GFM2: variants seen among roughly 807,000 people sequenced by gnomAD.
GFM2 encodes GTP dependent ribosome recycling factor mitochondrial 2, also known as ribosome-releasing factor 2, mitochondrial.
GFM2 carries 72 observed loss-of-function variants against 95.4 expected under a neutral mutation model. The ratio of observed to expected loss-of-function variants is 0.76; its 90% CI spans 0.62 to 0.92. The LOEUF (loss-of-function observed/expected upper bound fraction) is 0.92. Ranked by LOEUF, GFM2 falls within the 40% of genes least tolerant of loss-of-function variation. GFM2 has a pLI of 0.00. For synonymous variants in GFM2, 276 were observed against 317.5 expected (o/e 0.87, Z 1.39); for missense variants, 825 against 924.1 (o/e 0.89, Z 1.39).
chr5:74,723,903 C>T (rs1387974243), intron 19 of GFM2, among the ~76,000 whole-genome samples: 2 of 152,090 alleles, frequency 1.3e-5, no homozygotes, highest in Non-Finnish European at 2.9e-5. Flanking sequence ...TATTTAATTC[C>T]CTTATGAAAT....
At chr5:74,733,670 GA>G (rs1205787079) in intron 15 of GFM2, among the ~76,000 whole-genome samples, 1 of 152,176 alleles carries the variant, frequency 6.6e-6, no homozygotes, top group Non-Finnish European at 1.5e-5. Context: ...AGGCCATGAT[GA>G]AAAGTTTGGG....
chr5:74,749,575 T>C (rs1743587677), intron 7 of GFM2, among the ~76,000 whole-genome samples: 1 of 152,208 alleles, frequency 6.6e-6, no homozygotes, highest in Non-Finnish European at 1.5e-5. Flanking sequence ...GATTTATGGT[T>C]CTTCATATAG....
intron 7 of GFM2, among the ~76,000 whole-genome samples, chr5:74,748,938 A>C (rs1352227687): frequency 1.4e-5 from 2 of 147,474 alleles, no homozygotes; most frequent in Non-Finnish European, 3.0e-5. Flanking sequence ...AAAAAAAATA[A>C]AAAATAAAAT....
chr5:74,758,817 G>T (rs761421561), intron 5 of GFM2, 32 bp downstream of exon 5: 8 of 1,307,540 alleles, frequency 6.1e-6, no homozygotes, highest in Admixed American at 1.7e-5. Context: ...TTTGCTAATG[G>T]GGGGGTGGGA....
chr5:74,721,520 T>TTA lies in GFM2; in HGVS notation c.*133_*134dup, dbSNP rs1749877318. On this transcript the variant is annotated 3_prime_UTR_variant, in exon 21 of 21. Transcript: ENST00000296805. ...TCCAGTGCCACTATCAAAGCTTAAG[T>TTA]TATATCTTTTATCTAGTTCTCTGAA... The TTA allele has an allele frequency of 2.0e-6, 2 of 1,004,196 alleles. No homozygotes were observed. The allele number at this position is 1,004,196 out of a possible 1,614,324, so 62.2% of individuals were successfully genotyped here.
chr5:74,745,440 G>T (rs536001737), intron 10 of GFM2, among the ~76,000 whole-genome samples: 8 of 152,276 alleles, frequency 5.3e-5, no homozygotes, highest in Non-Finnish European at 8.8e-5. Context: ...ATGGCACATA[G>T]CATTTACATT....
chr5:74,742,635 C>T (rs1391297107), intron 10 of GFM2, among the ~76,000 whole-genome samples: 2 of 151,894 alleles, frequency 1.3e-5, no homozygotes, highest in African/African-American at 4.8e-5. Flanking sequence ...TTTAAATTAT[C>T]GCAAAATATA....
chr5:74,745,238 AG>A (rs1579997677), intron 10 of GFM2, among the ~76,000 whole-genome samples: 1 of 152,126 alleles, frequency 6.6e-6, no homozygotes, highest in East Asian at 1.9e-4. Context: ...CCAGCTACCC[AG>A]GAGGCTGAGG....
At position 74,767,054 on chromosome 5, in the gene GFM2, G is replaced by C. The variant is rs896679195; in HGVS notation, c.-141C>G. 2.8e-6 allele frequency: 1 copy of C among 360,606 alleles called. No individual in the cohort carries two copies. The highest frequency in any genetic ancestry group is 2.1e-5 in the African/African-American group (1 of 47,940). 22.3% of individuals were successfully genotyped at this position (360,606 alleles called of 1,614,324 possible). Reference sequence around the variant, plus strand: ...AGTCTCGACGCCAGCCTAGGCAAAAGGCAATGTATCTAAACGAAAAGAAAA... The same window carrying C: ...AGTCTCGACGCCAGCCTAGGCAAAACGCAATGTATCTAAACGAAAAGAAAA... On this transcript the variant is annotated 5_prime_UTR_variant, in exon 1 of 21. Transcript: ENST00000296805.
At chr5:74,741,409 T>C in intron 11 of GFM2, 120 bp downstream of exon 11, 1 of 611,942 alleles carries the variant, frequency 1.6e-6, no homozygotes, top group Non-Finnish European at 2.9e-6. Flanking sequence ...AACTTTAAAC[T>C]TACCACTTTC....
Position 74,721,336 on chromosome 5 carries a change from G to T in GFM2, c.*319C>A. On this transcript the variant is annotated 3_prime_UTR_variant, in exon 21 of 21. Coordinates refer to ENST00000296805, the MANE Select transcript of GFM2 (RefSeq NM_032380.5). ...CATTTAGAGGCCTGGCATCTTTCTT[G>T]TGAGACAAGCTTAAGGACACAAAAG... 2.6e-6 allele frequency: 2 copies of T among 764,912 alleles called. No individual in the cohort carries two copies. Among genetic ancestry groups the T allele is most frequent in the Non-Finnish European group, 2.3e-6 (1 of 431,656 alleles). 47.4% of individuals were successfully genotyped at this position (764,912 alleles called of 1,614,324 possible). A position where few individuals can be genotyped will look rare whatever the true frequency, so the allele number is the denominator to read the frequency against.
Position 74,741,443 on chromosome 5 carries a change from A to C in GFM2, c.930+86T>G. Reference sequence around the variant, plus strand: ...TCTAATAATATGCAAAGTTTAAAAAAAAAATGCACACACATCAAAGGCAGA... The same window carrying C: ...TCTAATAATATGCAAAGTTTAAAAACAAAATGCACACACATCAAAGGCAGA... On this transcript the variant is annotated intron_variant, in intron 11 of 20. Coordinates refer to ENST00000296805, the MANE Select transcript of GFM2 (RefSeq NM_032380.5). The C allele has an allele frequency of 7.5e-6, 5 of 671,014 alleles. No individual in the cohort carries two copies. In the South Asian group the frequency reaches 9.5e-5, roughly 13 times the overall value. 41.6% of individuals were successfully genotyped at this position (671,014 alleles called of 1,614,324 possible).
At chr5:74,760,547 T>TA (rs1427725455) in intron 3 of GFM2, among the ~76,000 whole-genome samples, 13 of 152,182 alleles carry the variant, frequency 8.5e-5, no homozygotes, top group Non-Finnish European at 1.3e-4. Flanking sequence ...ATTATTCTAG[T>TA]AAATCTCTCT....
intron 10 of GFM2, among the ~76,000 whole-genome samples, chr5:74,745,085 T>C (rs1743310613): frequency 6.6e-6 from 1 of 152,116 alleles, no homozygotes; most frequent in Non-Finnish European, 1.5e-5. Flanking sequence ...ACGCTGGTAA[T>C]CCTAGCACTT....
In GFM2 at chr5:74,736,998, A is replaced by G. The variant is rs750834116; in HGVS notation, c.1321-13T>C. 6.2e-7 allele frequency: 1 copy of G among 1,612,206 alleles called. No homozygotes were observed. The highest frequency in any genetic ancestry group is 8.5e-7 in the Non-Finnish European group (1 of 1,179,284). ...CTCCAGTGGCAGTCTGCAAGCAAAC[A>G]AGATGACTTGGAACGAAAGTGGCAT... is the stretch of plus-strand genomic sequence containing the variant. On this transcript the variant is annotated splice_polypyrimidine_tract_variant and intron_variant, in intron 14 of 20. Transcript: ENST00000296805.
At chr5:74,737,453 A>G (rs1474176772) in intron 14 of GFM2, among the ~76,000 whole-genome samples, 1 of 152,172 alleles carries the variant, frequency 6.6e-6, no homozygotes, top group Non-Finnish European at 1.5e-5. Flanking sequence ...AAAAACTGTA[A>G]TTTCACTTCT....
At chr5:74,750,807 C>T (rs1231281556) in intron 6 of GFM2, 140 bp from the exon 7 acceptor site, 1 of 627,466 alleles carries the variant, frequency 1.6e-6, no homozygotes, top group Non-Finnish European at 2.8e-6. Flanking sequence ...AGCAGAGTCT[C>T]AGAGCTATTT....
chr5:74,728,425 C>T (rs1425988033), intron 17 of GFM2, among the ~76,000 whole-genome samples: 1 of 152,080 alleles, frequency 6.6e-6, no homozygotes, highest in African/African-American at 2.4e-5. Context: ...CATCTTTGCA[C>T]TGAATAGCCT....
intron 3 of GFM2, among the ~76,000 whole-genome samples, chr5:74,760,330 T>C (rs1297402559): frequency 1.3e-5 from 2 of 152,186 alleles, no homozygotes; most frequent in Non-Finnish European, 2.9e-5. Flanking sequence ...TTTTATTCTA[T>C]TATTCTCACA....
Sources: allele counts gnomAD v4.1 joint callset (sites outside exome capture counted in the v4.1 genomes callset), GRCh38; gene constraint gnomAD v4.1.1; transcripts MANE v1.5; gene names NCBI Gene and HGNC (gene_info 2026-07-23, HGNC 2026-07-21).